RBM27: variants seen among roughly 807,000 people sequenced by gnomAD.
RBM27 encodes RNA-binding protein 27.
A neutral mutation model predicts 135.3 loss-of-function variants in RBM27; 22 were observed. The ratio of observed to expected loss-of-function variants is 0.16; its 90% confidence interval spans 0.12 to 0.23. The LOEUF (loss-of-function observed/expected upper bound fraction) is 0.23, where lower values mean the gene tolerates loss of function less well. Ranked by LOEUF, RBM27 falls within the 10% of genes least tolerant of loss-of-function variation. The probability of loss-of-function intolerance (pLI) is 1.00; values close to 1 mark genes in which losing one functional copy is unlikely to be tolerated. For synonymous variants in RBM27, 481 were observed against 442.4 expected, an observed-to-expected ratio of 1.09 and a Z score of -1.10; for missense variants, 1,009 against 1,281.0, an observed-to-expected ratio of 0.79 and a Z score of 3.24.
At position 146,253,221 on chromosome 5, in the gene RBM27, C is replaced by T. The variant is rs188007505; in HGVS notation, c.1444+1346C>T. 9.7e-4 allele frequency among the ~76,000 whole-genome samples: 147 copies of T among 152,248 alleles called. 1 individual carries two copies. Among genetic ancestry groups the T allele is most frequent in the Admixed American group, 3.3e-3 (50 of 15,292 alleles). On this transcript the variant is annotated intron_variant, in intron 9 of 20. Coordinates refer to ENST00000265271, the MANE Select transcript of RBM27 (RefSeq NM_018989.2). Reference sequence around the variant, plus strand: ...CCATGTTGGTCAGGCTGGTCTCGAACTCCTGACCTCGTGATCTGCCCACCT... The same window carrying T: ...CCATGTTGGTCAGGCTGGTCTCGAATTCCTGACCTCGTGATCTGCCCACCT...
rs1480581186 is a variant in RBM27, at chr5:146,286,203, A to AT, written c.*175dup. On this transcript the variant is annotated 3_prime_UTR_variant, in exon 21 of 21. Coordinates refer to ENST00000265271, the MANE Select transcript of RBM27 (RefSeq NM_018989.2). ...AACACATCTCATAACTGTACATGATATTAAAGCACCAAAGGCCTAGTGACT... is the reference window on the plus strand; with the variant it reads ...AACACATCTCATAACTGTACATGATATTTAAAGCACCAAAGGCCTAGTGACT... 1.9e-6 allele frequency: 1 copy of AT among 519,192 alleles called. No individual in the cohort carries two copies. Among genetic ancestry groups the AT allele is most frequent in the Non-Finnish European group, 3.3e-6 (1 of 299,998 alleles). The allele number at this position is 519,192 out of a possible 1,614,324, so 32.2% of individuals were successfully genotyped here.
chr5:146,258,347 T>G (rs1758212919), intron 10 of RBM27, 102 bp from the exon 11 acceptor site: 1 of 827,364 alleles, frequency 1.2e-6, no homozygotes, highest in Admixed American at 3.4e-5. Flanking sequence ...AGAGAAATGA[T>G]AGTAGTTGAG....
At chr5:146,213,292 G>A (rs1756048668) in intron 1 of RBM27, among the ~76,000 whole-genome samples, 1 of 152,082 alleles carries the variant, frequency 6.6e-6, no homozygotes, top group Non-Finnish European at 1.5e-5. Flanking sequence ...AGTAGAGATG[G>A]GGTTTCTCCA....
At chr5:146,253,545 GT>G (rs1362714039) in intron 9 of RBM27, among the ~76,000 whole-genome samples, 2 of 151,690 alleles carry the variant, frequency 1.3e-5, no homozygotes, top group Non-Finnish European at 2.9e-5. Flanking sequence ...TCCATGAGCT[GT>G]TTTCAAAACC....
chr5:146,285,832 C>A, intron 20 of RBM27, 115 bp from the exon 21 acceptor site: 2 of 666,842 alleles, frequency 3.0e-6, no homozygotes, highest in Non-Finnish European at 5.1e-6. Flanking sequence ...TTGCATGCAT[C>A]CCTTATGAAA....
intron 5 of RBM27, 95 bp downstream of exon 5, chr5:146,230,005 A>G: frequency 1.4e-6 from 2 of 1,393,532 alleles, no homozygotes; most frequent in Admixed American, 2.2e-5. Flanking sequence ...TACCTTTAAT[A>G]TGTCTGAGCA....
intron 19 of RBM27, among the ~76,000 whole-genome samples, chr5:146,275,773 T>G (rs1759068458): frequency 6.6e-6 from 1 of 152,138 alleles, no homozygotes; most frequent in African/African-American, 2.4e-5. Flanking sequence ...TGAAGGGAGG[T>G]TCGGCTAGAT....
intron 6 of RBM27, 147 bp downstream of exon 6, chr5:146,231,064 C>T: frequency 2.9e-6 from 3 of 1,029,454 alleles, no homozygotes; most frequent in Non-Finnish European, 4.1e-6. Flanking sequence ...CTCTGTCACC[C>T]AGGATGGAGT....
intron 15 of RBM27, among the ~76,000 whole-genome samples, chr5:146,268,839 A>T (rs1758736937): frequency 6.6e-6 from 1 of 152,104 alleles, no homozygotes; most frequent in African/African-American, 2.4e-5. Flanking sequence ...AAATGCTAGG[A>T]TTACAAGTTG....
At chr5:146,233,235 A>G (rs984245969) in intron 6 of RBM27, among the ~76,000 whole-genome samples, 8 of 152,158 alleles carry the variant, frequency 5.3e-5, no homozygotes, top group Non-Finnish European at 8.8e-5. Flanking sequence ...TTGCTTTCTC[A>G]ACAAGTCATA....
Position 146,271,465 on chromosome 5 carries a change from C to G in RBM27, c.2797-18C>G. 6.3e-7 allele frequency: 1 copy of G among 1,577,958 alleles called. No homozygotes were observed. The highest frequency in any genetic ancestry group is 8.7e-7 in the Non-Finnish European group (1 of 1,152,292). ...GTCTAATAATGTATGCTACATTCTA[C>G]TTTTTGTTGTTATTCAGGCTGCACG... is the stretch of plus-strand genomic sequence containing the variant. On this transcript the variant is annotated intron_variant, in intron 18 of 20. Transcript: ENST00000265271.
intron 13 of RBM27, among the ~76,000 whole-genome samples, chr5:146,263,122 G>A (rs528469355): frequency 4.6e-5 from 7 of 152,200 alleles, no homozygotes; most frequent in Non-Finnish European, 1.0e-4. Context: ...GACCTCAGGT[G>A]ATCCACCCAC....
chr5:146,280,312 C>T (rs929203546), intron 19 of RBM27, among the ~76,000 whole-genome samples: 6 of 152,170 alleles, frequency 3.9e-5, no homozygotes, highest in African/African-American at 1.4e-4. Flanking sequence ...CTGCCTCAGC[C>T]TCAAAGGGCT....
chr5:146,245,036 A>G (rs1253381804), intron 8 of RBM27, among the ~76,000 whole-genome samples: 1 of 152,094 alleles, frequency 6.6e-6, no homozygotes, highest in Non-Finnish European at 1.5e-5. Context: ...CACCATGCCC[A>G]GCTAATGTTG....
At chr5:146,245,484 G>T (rs1350842095) in intron 8 of RBM27, among the ~76,000 whole-genome samples, 1 of 152,182 alleles carries the variant, frequency 6.6e-6, no homozygotes, top group Non-Finnish European at 1.5e-5. Context: ...TTAGGTTGAA[G>T]ATAACTGTCC....
At chr5:146,238,931 T>C (rs375494352) in intron 8 of RBM27, among the ~76,000 whole-genome samples, 1 of 152,190 alleles carries the variant, frequency 6.6e-6, no homozygotes, top group Admixed American at 6.5e-5. Context: ...AAGGTTGTTT[T>C]GAGTAATAAA....
chr5:146,220,249 G>C (rs562709866), intron 2 of RBM27, among the ~76,000 whole-genome samples: 90 of 152,186 alleles, frequency 5.9e-4, no homozygotes, highest in African/African-American at 2.1e-3. Flanking sequence ...AGGCCGAAGC[G>C]GGTGGATCAT....
intron 11 of RBM27, among the ~76,000 whole-genome samples, chr5:146,260,293 C>T (rs561233305): frequency 1.3e-4 from 20 of 148,176 alleles, no homozygotes; most frequent in African/African-American, 4.6e-4. Flanking sequence ...AGTGAGACTC[C>T]GTCTACAAAA....
At chr5:146,276,978 G>A (rs1258309676) in intron 19 of RBM27, among the ~76,000 whole-genome samples, 1 of 152,218 alleles carries the variant, frequency 6.6e-6, no homozygotes, top group Admixed American at 6.5e-5. Context: ...CAAGTGATCA[G>A]GAGTTTACCT....
Sources: allele counts gnomAD v4.1 joint callset (sites outside exome capture counted in the v4.1 genomes callset), GRCh38; gene constraint gnomAD v4.1.1; transcripts MANE v1.5; gene names NCBI Gene and HGNC (gene_info 2026-07-23, HGNC 2026-07-21).